The following CLASP2 variants were observed in gnomAD, a reference collection of about 807,000 sequenced individuals.
CLASP2 encodes the protein CLIP-associating protein 2.
Under a neutral mutation model 194.4 loss-of-function variants are expected in CLASP2, and 47 were observed. The ratio of observed to expected loss-of-function variants is 0.24; its 90% CI spans 0.19 to 0.31. CLASP2 has a LOEUF of 0.31. Ranked by LOEUF, CLASP2 falls within the 10% of genes least tolerant of loss-of-function variation. The pLI, the probability that CLASP2 is intolerant of heterozygous loss-of-function variation, is 1.00. For missense variants in CLASP2, 1,445 were observed against 1,823.6 expected, an observed-to-expected ratio of 0.79 and a Z score of 3.78; for synonymous variants, 619 against 633.5, an observed-to-expected ratio of 0.98 and a Z score of 0.34.
chr3:33,570,031 A>G (rs2154191261), intron 26 of CLASP2, among the ~76,000 whole-genome samples: 1 of 152,176 alleles, frequency 6.6e-6, no homozygotes, highest in East Asian at 1.9e-4. Context: ...TCCTGTAGAC[A>G]TTTGGTATCC....
intron 6 of CLASP2, among the ~76,000 whole-genome samples, chr3:33,674,033 A>C (rs1319786335): frequency 2.0e-5 from 3 of 152,178 alleles, no homozygotes; most frequent in Non-Finnish European, 2.9e-5. Flanking sequence ...AGACAGATCA[A>C]CGAGACAGAA....
intron 1 of CLASP2, among the ~76,000 whole-genome samples, chr3:33,708,095 GCT>G (rs924210763): frequency 5.9e-5 from 9 of 152,076 alleles, no homozygotes; most frequent in African/African-American, 1.9e-4. Flanking sequence ...TGACATCTAC[GCT>G]CTTAGTAAAT....
At chr3:33,686,941 T>C in intron 5 of CLASP2, 119 bp downstream of exon 5, 2 of 589,112 alleles carry the variant, frequency 3.4e-6, no homozygotes, top group Non-Finnish European at 3.0e-6. Flanking sequence ...TGAGGTAAAA[T>C]CTTGATTTCA....
At chr3:33,699,762 C>T (rs777284863) in intron 1 of CLASP2, among the ~76,000 whole-genome samples, 6 of 151,386 alleles carry the variant, frequency 4.0e-5, no homozygotes, top group African/African-American at 4.9e-5. Flanking sequence ...ACAAAAGTTA[C>T]GTGTGTCTTG....
At chr3:33,624,731 C>T (rs1320093611) in intron 10 of CLASP2, among the ~76,000 whole-genome samples, 1 of 152,024 alleles carries the variant, frequency 6.6e-6, no homozygotes, top group South Asian at 2.1e-4. Flanking sequence ...TATCAAAGTA[C>T]GTTCTTATTT....
intron 2 of CLASP2, 28 bp downstream of exon 2, chr3:33,696,827 G>A (rs2091964904): frequency 1.5e-6 from 2 of 1,377,746 alleles, no homozygotes; most frequent in African/African-American, 1.4e-5. Context: ...ATCTTATTTA[G>A]AATTGTAAAT....
At chr3:33,555,297 G>T (rs1251017675) in intron 29 of CLASP2, among the ~76,000 whole-genome samples, 2 of 151,362 alleles carry the variant, frequency 1.3e-5, no homozygotes, top group Non-Finnish European at 2.9e-5. Flanking sequence ...GCAGTAGACA[G>T]GAAAAGAGAC....
At chr3:33,551,445 A>G in intron 29 of CLASP2, 50 bp from the exon 30 acceptor site, 1 of 1,527,392 alleles carries the variant, frequency 6.5e-7, no homozygotes, top group South Asian at 1.2e-5. Context: ...TTATTGTGAG[A>G]CACTAGAGAA....
chr3:33,711,859 A>G (rs957762619), intron 1 of CLASP2, among the ~76,000 whole-genome samples: 2 of 152,224 alleles, frequency 1.3e-5, no homozygotes, highest in African/African-American at 4.8e-5. Context: ...GGCCATAATT[A>G]AAGAGTCAAA....
intron 27 of CLASP2, among the ~76,000 whole-genome samples, chr3:33,564,493 G>T (rs1328384198): frequency 1.3e-5 from 2 of 152,150 alleles, no homozygotes; most frequent in Non-Finnish European, 2.9e-5. Context: ...AGTTTCCTAA[G>T]TAGAAATTTG....
chr3:33,625,968 A>G (rs1048004383), intron 10 of CLASP2, among the ~76,000 whole-genome samples: 1 of 152,116 alleles, frequency 6.6e-6, no homozygotes, highest in Non-Finnish European at 1.5e-5. Context: ...AAAAACCCTT[A>G]AGTAAAAAGT....
chr3:33,549,072 G>T (rs903139865), intron 30 of CLASP2, among the ~76,000 whole-genome samples: 3 of 145,146 alleles, frequency 2.1e-5, no homozygotes, highest in Admixed American at 2.0e-4. Context: ...GATTACAGGT[G>T]TGTGCCACCA....
rs778616480 is a variant in CLASP2, at chr3:33,511,028, GTAT to G, written c.4111-267_4111-265del. On this transcript the variant is annotated intron_variant, in intron 36 of 38. Transcript: ENST00000682230. ...GTGTTCTTTTTTGCTGTTGGCTAAA[GTAT>G]TTTTTTTTTTTTTTTTTTTGAGACA... Among the ~76,000 whole-genome samples the G allele has an allele frequency of 7.1e-5, 10 of 141,230 alleles. 1 individual carries two copies. Among genetic ancestry groups the G allele is most frequent in the South Asian group, 2.2e-4 (1 of 4,450 alleles). The allele number at this position is 141,230 out of a possible 152,430, so 92.7% of individuals were successfully genotyped here.
In CLASP2 at chr3:33,537,489, A is replaced by G. The variant is rs543287785; in HGVS notation, c.3558+1300T>C. On this transcript the variant is annotated intron_variant, in intron 33 of 38. Coordinates refer to ENST00000682230, the MANE Select transcript of CLASP2 (RefSeq NM_001365631.1). ...AATGAATTCCACAGGAACTGGTGGG[A>G]TGGCTCATTTTGTGAAAAGTCTAAG... 9.9e-4 allele frequency among the ~76,000 whole-genome samples: 151 copies of G among 152,338 alleles called. 2 individuals are homozygous for G. The highest frequency in any genetic ancestry group is 9.7e-3 in the South Asian group (47 of 4,832).
intron 1 of CLASP2, among the ~76,000 whole-genome samples, chr3:33,708,174 G>A (rs1431246011): frequency 5.3e-5 from 8 of 151,816 alleles, no homozygotes; most frequent in Admixed American, 2.6e-4. Flanking sequence ...CTTACTCATC[G>A]TATAACAGAA....
At chr3:33,663,573 G>T (rs533573235) in intron 6 of CLASP2, 58 bp from the exon 7 acceptor site, 11 of 1,210,618 alleles carry the variant, frequency 9.1e-6, no homozygotes, top group African/African-American at 7.5e-5. Flanking sequence ...AGATTAAATA[G>T]AAACAATTTC....
intron 23 of CLASP2, chr3:33,577,328 T>C: frequency 7.5e-7 from 1 of 1,334,964 alleles, no homozygotes; most frequent in Non-Finnish European, 1.1e-6. Flanking sequence ...GTGGCAGCAC[T>C]ACTGTCAGGC....
chr3:33,580,945 G>A (rs2065926140), intron 23 of CLASP2, among the ~76,000 whole-genome samples: 1 of 149,734 alleles, frequency 6.7e-6, no homozygotes, highest in Non-Finnish European at 1.5e-5. Context: ...GAACCCAGGA[G>A]GCAGAGCTTG....
chr3:33,623,087 C>T (rs1399926358), intron 10 of CLASP2, among the ~76,000 whole-genome samples: 2 of 152,118 alleles, frequency 1.3e-5, no homozygotes, highest in Non-Finnish European at 2.9e-5. Context: ...TGAGCCACTA[C>T]ATCTGGCCTG....
Sources: gnomAD v4.1 joint callset for allele counts (sites outside exome capture counted in the v4.1 genomes callset) on GRCh38, gnomAD v4.1.1 for gene constraint, MANE v1.5 for transcripts, NCBI Gene and HGNC (gene_info 2026-07-23, HGNC 2026-07-21) for gene names.